ZNF732: variants seen among roughly 807,000 people sequenced by gnomAD.
ZNF732 encodes the protein zinc finger protein 732, also known as zinc finger protein LOC654254.
ZNF732 carries 12 observed loss-of-function variants against 11.5 expected under a neutral mutation model. That is an observed-to-expected ratio of 1.05 (90% CI 0.67 to 1.70). ZNF732 has a LOEUF of 1.70. ZNF732 is among the 40% of genes most tolerant of loss of function. The pLI is 0.00. For synonymous variants in ZNF732, 231 were observed against 236.5 expected (o/e 0.98, Z 0.21); for missense variants, 702 against 676.9 (o/e 1.04, Z -0.41).
At chr4:279,788 T>C (rs1719580119) in intron 3 of ZNF732, among the ~76,000 whole-genome samples, 1 of 152,174 alleles carries the variant, frequency 6.6e-6, no homozygotes, top group Admixed American at 6.5e-5. Context: ...TCTCACAGAA[T>C]AACATATACT....
Position 272,516 on chromosome 4 carries a change from C to A in ZNF732, c.341G>T (p.Arg114Ile), listed in dbSNP as rs1553837995. The A allele has an allele frequency of 1.9e-6, 3 of 1,602,362 alleles. No homozygotes were observed. In the South Asian group the frequency reaches 3.3e-5, roughly 18 times the overall value. The change falls in exon 4 of 4, where the codon AGA becomes ATA. Residue 114 changes from arginine to isoleucine, a missense_variant. Physicochemically the swap from Arg to Ile is moderately conservative, Grantham distance 97. This residue lies in a region of ZNF732 where 596 missense variants were observed against 557.9 expected (regional missense o/e 1.07). Coordinates refer to ENST00000419098, the MANE Select transcript of ZNF732 (RefSeq NM_001137608.3). ...EKCGHENLEL[R>I]KSCKRKVQKG... ...CTGCACCTTCCTTTTACAGCTTTTT[C>A]TTAATTCTAAATTCTCATGTCCACA...
chr4:302,959 G>A (rs1282725343), intron 1 of ZNF732, among the ~76,000 whole-genome samples: 1 of 152,046 alleles, frequency 6.6e-6, no homozygotes, highest in Non-Finnish European at 1.5e-5. Context: ...ACTCCATCTT[G>A]GCTCTTTCAC....
At chr4:279,606 G>C (rs1553839401) in intron 3 of ZNF732, among the ~76,000 whole-genome samples, 3 of 152,054 alleles carry the variant, frequency 2.0e-5, no homozygotes, top group South Asian at 2.1e-4. Context: ...ACTTTACTTT[G>C]ATAAAATTAA....
intron 1 of ZNF732, among the ~76,000 whole-genome samples, chr4:296,820 AGT>A (rs1719963013): frequency 1.3e-5 from 2 of 152,296 alleles, no homozygotes; most frequent in Non-Finnish European, 2.9e-5. Context: ...CACAGCATAG[AGT>A]CCCTTACCCC....
At chr4:292,627 C>A (rs1048715325) in intron 3 of ZNF732, among the ~76,000 whole-genome samples, 1 of 149,030 alleles carries the variant, frequency 6.7e-6, no homozygotes, top group Non-Finnish European at 1.5e-5. Context: ...CAAAGCAAAA[C>A]AATAATGATG....
chr4:275,408 A>G (rs1271557678), intron 3 of ZNF732, among the ~76,000 whole-genome samples: 2 of 150,580 alleles, frequency 1.3e-5, no homozygotes, highest in East Asian at 1.9e-4. Flanking sequence ...AACAATTCCC[A>G]TATTATATGG....
intron 1 of ZNF732, among the ~76,000 whole-genome samples, chr4:303,229 A>AC (rs1191895139): frequency 7.2e-4 from 109 of 151,232 alleles, no homozygotes; most frequent in Middle Eastern, 3.4e-3. Flanking sequence ...TTTTAACTAG[A>AC]CCCCCCCTCC....
intron 3 of ZNF732, among the ~76,000 whole-genome samples, chr4:283,886 A>G (rs1427662114): frequency 6.6e-6 from 1 of 152,174 alleles, no homozygotes; most frequent in East Asian, 1.9e-4. Flanking sequence ...TTTTTAAAAG[A>G]CTGAAATCAT....
At chr4:287,538 CTTT>C (rs1193604557) in intron 3 of ZNF732, among the ~76,000 whole-genome samples, 5 of 152,048 alleles carry the variant, frequency 3.3e-5, no homozygotes, top group South Asian at 4.2e-4. Flanking sequence ...ACATACTCTT[CTTT>C]ATGTCAGGAG....
chr4:275,513 A>G (rs1719474343), intron 3 of ZNF732, among the ~76,000 whole-genome samples: 1 of 151,758 alleles, frequency 6.6e-6, no homozygotes, highest in Non-Finnish European at 1.5e-5. Flanking sequence ...ACAAATCTAA[A>G]GAATTAAAGC....
chr4:304,890 C>T lies in ZNF732; in HGVS notation c.3+418G>A, dbSNP rs538155721. 5.3e-5 allele frequency among the ~76,000 whole-genome samples: 8 copies of T among 152,374 alleles called. No individual in the cohort carries two copies. The South Asian group carries it at 1.7e-3, about 32-fold the overall frequency. ...GGCAGCCCCCAAACCACAAGCCATG[C>T]CCGGGGCTGTCCCATTAATTAGTCC... On this transcript the variant is annotated intron_variant, in intron 1 of 3. Coordinates refer to ENST00000419098, the MANE Select transcript of ZNF732 (RefSeq NM_001137608.3).
chr4:273,167 A>G (rs2108651733), intron 3 of ZNF732, among the ~76,000 whole-genome samples: 1 of 152,218 alleles, frequency 6.6e-6, no homozygotes, highest in Middle Eastern at 3.4e-3. Context: ...TACAGACAAC[A>G]GACCAAGTGA....
Position 271,891 on chromosome 4 carries a change from A to G in ZNF732, c.966T>C (p.Thr322=). The change falls in exon 4 of 4, where the codon ACT becomes ACC. Residue 322 remains threonine, a synonymous_variant. Coordinates refer to ENST00000419098, the MANE Select transcript of ZNF732 (RefSeq NM_001137608.3). Reference sequence around the variant, plus strand: ...CTCCAGTATGAATTCTGTTATGTTTAGTAAGGGTTGTGGACCTATTAAAGA... The same window carrying G: ...CTCCAGTATGAATTCTGTTATGTTTGGTAAGGGTTGTGGACCTATTAAAGA... ...GKVFNRSTTL[T]KHNRIHTGEK... 1 of 1,613,348 alleles carries G rather than the reference A, an allele frequency of 6.2e-7. No homozygotes were observed. Among genetic ancestry groups the G allele is most frequent in the Non-Finnish European group, 8.5e-7 (1 of 1,179,690 alleles).
chr4:303,768 G>C lies in ZNF732; in HGVS notation c.3+1540C>G, dbSNP rs112408556. ...CCAGGTTTAAAGGCATGGTCTTGAA[G>C]TCACTAACGTCTGAATTCTCGCAGG... On this transcript the variant is annotated intron_variant, in intron 1 of 3. Coordinates refer to ENST00000419098, the MANE Select transcript of ZNF732 (RefSeq NM_001137608.3). Among the ~76,000 whole-genome samples, 1,197 of 152,358 alleles carry C rather than the reference G, an allele frequency of 7.9e-3. 27 individuals carry two copies. The highest frequency in any genetic ancestry group is 0.027 in the African/African-American group (1,123 of 41,594).
Position 271,714 on chromosome 4 carries a change from CTTATG to C in ZNF732, c.1138_1142del (p.His380GlufsTer12), listed in dbSNP as rs1719371758. 1.2e-6 allele frequency: 2 copies of C among 1,611,584 alleles called. No individual in the cohort carries two copies. Among genetic ancestry groups the C allele is most frequent in the South Asian group, 2.2e-5 (2 of 90,878 alleles). ...AGGGTTTCTCTCCAGTATGAATACT[CTTATG>C]TTTATTAAGGGTTGCGGATTGTCTA... On this transcript the variant is annotated frameshift_variant, in exon 4 of 4. Coordinates refer to ENST00000419098, the MANE Select transcript of ZNF732 (RefSeq NM_001137608.3). LOFTEE classifies it low-confidence loss of function (END_TRUNC).
chr4:305,113 T>G (rs561611652), intron 1 of ZNF732, among the ~76,000 whole-genome samples, 195 bp downstream of exon 1: 35 of 152,202 alleles, frequency 2.3e-4, no homozygotes, highest in African/African-American at 8.2e-4. Flanking sequence ...GCTGCACAAG[T>G]AGGGCTGCAG....
chr4:304,580 G>A (rs531497083), intron 1 of ZNF732, among the ~76,000 whole-genome samples: 2 of 152,002 alleles, frequency 1.3e-5, no homozygotes, highest in African/African-American at 4.8e-5. Context: ...CCCCCCTGCA[G>A]ACGGCAGTCC....
rs1719338423 is a variant in ZNF732 at position 270,956 on chromosome 4, T to TTA, written c.*142_*143insTA. ...TTGTAGGGTTTTTCTCCAGTATGAA[T>TTA]TCTTACTTTCATTCAGGGTTGTGGA... On this transcript the variant is annotated 3_prime_UTR_variant, in exon 4 of 4. Transcript: ENST00000419098. The TTA allele has an allele frequency of 2.4e-6, 2 of 829,148 alleles. No individual in the cohort carries two copies. Among genetic ancestry groups the TTA allele is most frequent in the Non-Finnish European group, 4.0e-6 (2 of 496,546 alleles). 51.4% of individuals were successfully genotyped at this position (829,148 alleles called of 1,614,324 possible).
In ZNF732 at chr4:299,400, T is replaced by C. The variant is rs530300667; in HGVS notation, c.4-3245A>G. Among the ~76,000 whole-genome samples, 8 of 41,500 alleles carry C rather than the reference T, an allele frequency of 1.9e-4. No homozygotes were observed. In the South Asian group the frequency reaches 6.2e-3, roughly 32 times the overall value. 27.2% of individuals were successfully genotyped at this position (41,500 alleles called of 152,430 possible). ...ATATATATACACATATGTACACATA[T>C]GTGTATATATATATACACATATATA... On this transcript the variant is annotated intron_variant, in intron 1 of 3. Transcript: ENST00000419098.
Sources: allele counts gnomAD v4.1 joint callset (sites outside exome capture counted in the v4.1 genomes callset), GRCh38; gene constraint gnomAD v4.1.1; regional missense constraint gnomAD v4.1.1; transcripts MANE v1.5; gene names NCBI Gene and HGNC (gene_info 2026-07-23, HGNC 2026-07-21).